Variants in AP3B1 observed in about 807,000 individuals in gnomAD.
The protein encoded by AP3B1 is adaptor related protein complex 3 subunit beta 1.
A neutral mutation model predicts 132.5 loss-of-function variants in AP3B1; 61 were observed. The ratio of observed to expected loss-of-function variants is 0.46; its 90% confidence interval spans 0.37 to 0.57. AP3B1 has a LOEUF of 0.57. Among genes scored for constraint, AP3B1 ranks in the 20% least tolerant of loss-of-function variants. The pLI, the probability that AP3B1 is intolerant of heterozygous loss-of-function variation, is 0.00. For synonymous variants in AP3B1, 388 were observed against 438.3 expected (o/e 0.89, Z 1.43); for missense variants, 1,120 against 1,289.4 (o/e 0.87, Z 2.01).
intron 7 of AP3B1, among the ~76,000 whole-genome samples, chr5:78,191,350 T>C (rs1224917940): frequency 3.0e-5 from 3 of 101,178 alleles, no homozygotes; most frequent in East Asian, 5.5e-4. Flanking sequence ...GAATTGCTTT[T>C]CCCCAAAAAA....
At chr5:78,167,110 T>G (rs1743666995) in intron 11 of AP3B1, among the ~76,000 whole-genome samples, 2 of 151,952 alleles carry the variant, frequency 1.3e-5, no homozygotes, top group South Asian at 4.2e-4. Flanking sequence ...GACAAAGGAC[T>G]AATATCCAGA....
At chr5:78,251,398 C>G (rs1352741154) in intron 2 of AP3B1, among the ~76,000 whole-genome samples, 1 of 152,200 alleles carries the variant, frequency 6.6e-6, no homozygotes, top group East Asian at 1.9e-4. Flanking sequence ...TTGGTTTGAA[C>G]TTCATATCAC....
At chr5:78,114,916 A>G (rs891209974) in intron 18 of AP3B1, among the ~76,000 whole-genome samples, 9 of 152,040 alleles carry the variant, frequency 5.9e-5, no homozygotes, top group African/African-American at 2.2e-4. Flanking sequence ...AAGTTATTCA[A>G]CTTCTCTGGG....
intron 24 of AP3B1, among the ~76,000 whole-genome samples, chr5:78,034,138 C>G (rs1400656766): frequency 6.6e-6 from 1 of 151,946 alleles, no homozygotes; most frequent in Non-Finnish European, 1.5e-5. Flanking sequence ...ATTTCAATCA[C>G]ATATGGCAGG....
At chr5:78,095,057 C>A (rs1275773506) in intron 21 of AP3B1, among the ~76,000 whole-genome samples, 1 of 152,164 alleles carries the variant, frequency 6.6e-6, no homozygotes, top group African/African-American at 2.4e-5. Context: ...TGATACTGAA[C>A]AGTATTTTGT....
intron 3 of AP3B1, among the ~76,000 whole-genome samples, chr5:78,233,311 G>A (rs1746732207): frequency 6.7e-6 from 1 of 149,916 alleles, no homozygotes; most frequent in South Asian, 2.1e-4. Context: ...TCAGCTCACC[G>A]CAACCTCCGC....
At chr5:78,245,598 A>C (rs1747346813) in intron 2 of AP3B1, among the ~76,000 whole-genome samples, 1 of 152,192 alleles carries the variant, frequency 6.6e-6, no homozygotes, top group Non-Finnish European at 1.5e-5. Context: ...GAAACCAGCA[A>C]AGAAGCTCTT....
intron 12 of AP3B1, among the ~76,000 whole-genome samples, chr5:78,163,601 A>G (rs1164119347): frequency 7.3e-6 from 1 of 136,914 alleles, no homozygotes; most frequent in Non-Finnish European, 1.6e-5. Flanking sequence ...GTATATATAT[A>G]TATGTGTGTG....
In AP3B1 at chr5:78,247,734, T is replaced by C. The variant is rs1747437988; in HGVS notation, c.205-6798A>G. Reference sequence around the variant, plus strand: ...ATAACTTATGTCTTTATATTAAAAGTAGGTTTCTTACAAAGAGCACAGTTG... The same window carrying C: ...ATAACTTATGTCTTTATATTAAAAGCAGGTTTCTTACAAAGAGCACAGTTG... On this transcript the variant is annotated intron_variant, in intron 2 of 26. Transcript: ENST00000255194. Among the ~76,000 whole-genome samples, 4 of 152,090 alleles carry C rather than the reference T, an allele frequency of 2.6e-5. No homozygotes were observed. In the South Asian group the frequency reaches 8.3e-4, roughly 31 times the overall value.
intron 6 of AP3B1, among the ~76,000 whole-genome samples, chr5:78,222,025 T>C (rs1291902791): frequency 6.6e-6 from 1 of 152,088 alleles, no homozygotes; most frequent in Non-Finnish European, 1.5e-5. Context: ...ACAACTGTAG[T>C]GATGGCACTA....
At chr5:78,027,087 A>G (rs1353296530) in intron 24 of AP3B1, among the ~76,000 whole-genome samples, 2 of 152,078 alleles carry the variant, frequency 1.3e-5, no homozygotes, top group Non-Finnish European at 2.9e-5. Context: ...CTTGTAGAGA[A>G]GTTTTAAATT....
intron 1 of AP3B1, 50 bp from the exon 2 acceptor site, chr5:78,267,645 A>G: frequency 9.5e-7 from 1 of 1,051,680 alleles, no homozygotes; most frequent in Non-Finnish European, 1.5e-6. Context: ...TTTATATTAG[A>G]TAGCTTAAAA....
chr5:78,009,886 G>C (rs1272857422), intron 26 of AP3B1, among the ~76,000 whole-genome samples: 1 of 152,298 alleles, frequency 6.6e-6, no homozygotes, highest in Admixed American at 6.5e-5. Context: ...TAGAATCATG[G>C]CAGAGACAGG....
intron 22 of AP3B1, chr5:78,043,656 T>C: frequency 2.1e-6 from 1 of 470,174 alleles, no homozygotes; most frequent in Non-Finnish European, 4.3e-6. Context: ...GCACATACAG[T>C]GAAGGAACCC....
At chr5:78,029,419 T>G (rs1228884241) in intron 24 of AP3B1, among the ~76,000 whole-genome samples, 1 of 151,824 alleles carries the variant, frequency 6.6e-6, no homozygotes, top group African/African-American at 2.4e-5. Context: ...ACACACACAC[T>G]TCATCTATCT....
intron 20 of AP3B1, among the ~76,000 whole-genome samples, chr5:78,107,412 C>T (rs1230803793): frequency 2.0e-5 from 3 of 152,172 alleles, no homozygotes; most frequent in Non-Finnish European, 4.4e-5. Context: ...CATGTACACA[C>T]ACTCTGTTTT....
intron 7 of AP3B1, among the ~76,000 whole-genome samples, chr5:78,202,312 A>G (rs1745325839): frequency 6.6e-6 from 1 of 152,116 alleles, no homozygotes; most frequent in African/African-American, 2.4e-5. Context: ...CTAATACACA[A>G]TCCTATATAA....
chr5:78,103,887 C>A (rs1751226500), intron 20 of AP3B1, among the ~76,000 whole-genome samples: 1 of 151,734 alleles, frequency 6.6e-6, no homozygotes, highest in Non-Finnish European at 1.5e-5. Context: ...CCAAATAATA[C>A]AAACAAAAAT....
At chr5:78,236,716 T>A (rs1746894922) in intron 3 of AP3B1, among the ~76,000 whole-genome samples, 2 of 152,204 alleles carry the variant, frequency 1.3e-5, no homozygotes, top group African/African-American at 4.8e-5. Flanking sequence ...TTAGCAATTA[T>A]TCCTATTGCT....
Sources: gnomAD v4.1 joint callset for allele counts (sites outside exome capture counted in the v4.1 genomes callset) on GRCh38, gnomAD v4.1.1 for gene constraint, MANE v1.5 for transcripts, NCBI Gene and HGNC (gene_info 2026-07-23, HGNC 2026-07-21) for gene names.